Variants in HECW1 observed in about 807,000 individuals in gnomAD.
The protein encoded by HECW1 is E3 ubiquitin-protein ligase HECW1.
In HECW1, 61 loss-of-function variants were observed where a neutral mutation model predicts 182.3. That is an observed-to-expected ratio of 0.33 (90% CI 0.27 to 0.41). The LOEUF (loss-of-function observed/expected upper bound fraction) is 0.41, where lower values mean the gene tolerates loss of function less well. HECW1 is among the 10% of genes least tolerant of loss of function. The pLI, the probability that HECW1 is intolerant of heterozygous loss-of-function variation, is 1.00. For synonymous variants in HECW1, 859 were observed against 832.6 expected (o/e 1.03, Z -0.55); for missense variants, 1,739 against 2,108.9 (o/e 0.82, Z 3.44).
At chr7:43,211,862 G>A (rs1432088366) in intron 2 of HECW1, among the ~76,000 whole-genome samples, 1 of 152,170 alleles carries the variant, frequency 6.6e-6, no homozygotes, top group African/African-American at 2.4e-5. Context: ...TGTTAGAAGG[G>A]GATGCTTTGT....
At chr7:43,342,080 T>C (rs1243705815) in intron 5 of HECW1, among the ~76,000 whole-genome samples, 1 of 151,876 alleles carries the variant, frequency 6.6e-6, no homozygotes, top group Non-Finnish European at 1.5e-5. Context: ...GTATAAAAGA[T>C]GACTGTTTCA....
At chr7:43,423,535 T>C (rs571216637) in intron 8 of HECW1, among the ~76,000 whole-genome samples, 11 of 152,328 alleles carry the variant, frequency 7.2e-5, no homozygotes, top group African/African-American at 2.4e-4. Context: ...GTTAGCATCA[T>C]TTTTCAACTT....
At chr7:43,481,407 G>A (rs2078430476) in intron 17 of HECW1, among the ~76,000 whole-genome samples, 1 of 152,170 alleles carries the variant, frequency 6.6e-6, no homozygotes, top group Admixed American at 6.5e-5. Flanking sequence ...GCTGAGTACT[G>A]CAGACAGATT....
chr7:43,306,420 A>C (rs1478385328), intron 3 of HECW1, among the ~76,000 whole-genome samples: 8 of 152,050 alleles, frequency 5.3e-5, no homozygotes. Flanking sequence ...TGGTGGCGTA[A>C]CAAAGCCGAG....
At position 43,407,737 on chromosome 7, in the gene HECW1, T is replaced by G. The variant is rs1374720082; in HGVS notation, c.801+6T>G. The G allele has an allele frequency of 6.3e-7, 1 of 1,596,468 alleles. No homozygotes were observed. Among genetic ancestry groups the G allele is most frequent in the African/African-American group, 1.4e-5 (1 of 73,836 alleles). Reference sequence around the variant, plus strand: ...ACCCCATCTGGCAGGCCGAGGTGAGTGCTGTGGGCCCTGAAAAAAAGCCCA... The same window carrying G: ...ACCCCATCTGGCAGGCCGAGGTGAGGGCTGTGGGCCCTGAAAAAAAGCCCA... On this transcript the variant is annotated splice_donor_region_variant and intron_variant, in intron 8 of 29. Transcript: ENST00000395891.
At chr7:43,411,920 A>G (rs987881635) in intron 8 of HECW1, among the ~76,000 whole-genome samples, 3 of 152,198 alleles carry the variant, frequency 2.0e-5, no homozygotes, top group African/African-American at 7.2e-5. Flanking sequence ...TTTAATAGGA[A>G]TGAATGGCCC....
intron 2 of HECW1, among the ~76,000 whole-genome samples, chr7:43,204,027 A>C (rs1414090864): frequency 1.3e-5 from 2 of 152,216 alleles, no homozygotes; most frequent in Admixed American, 6.5e-5. Context: ...TAACAAATGA[A>C]TTGTTGCTTA....
intron 6 of HECW1, chr7:43,377,864 C>G (rs1347139159): frequency 2.0e-5 from 4 of 195,960 alleles, no homozygotes; most frequent in Non-Finnish European, 4.2e-5. Context: ...AATTTCCCTG[C>G]CTGCATTCTT....
intron 2 of HECW1, among the ~76,000 whole-genome samples, chr7:43,242,135 G>A (rs1798950509): frequency 6.6e-6 from 1 of 152,190 alleles, no homozygotes; most frequent in South Asian, 2.1e-4. Context: ...TCTCAAACTG[G>A]TATTTAGAGC....
chr7:43,477,073 A>G (rs564776424), intron 16 of HECW1, among the ~76,000 whole-genome samples: 57 of 152,172 alleles, frequency 3.7e-4, no homozygotes, highest in Non-Finnish European at 7.8e-4. Flanking sequence ...GGAATGACTA[A>G]TTAGCCCATG....
At chr7:43,249,697 T>C (rs1196903398) in intron 3 of HECW1, among the ~76,000 whole-genome samples, 1 of 152,210 alleles carries the variant, frequency 6.6e-6, no homozygotes, top group Non-Finnish European at 1.5e-5. Flanking sequence ...CTGACTGTTT[T>C]GAGCTTTGTT....
At chr7:43,549,330 C>T (rs982332906) in intron 26 of HECW1, among the ~76,000 whole-genome samples, 3 of 152,186 alleles carry the variant, frequency 2.0e-5, no homozygotes, top group Non-Finnish European at 4.4e-5. Context: ...CACTAATCAC[C>T]TAAGTGATAA....
intron 2 of HECW1, among the ~76,000 whole-genome samples, chr7:43,191,352 G>A (rs1006096436): frequency 1.3e-5 from 2 of 152,216 alleles, no homozygotes; most frequent in African/African-American, 4.8e-5. Context: ...GCCTATAGCT[G>A]TAGCTTGCCA....
intron 2 of HECW1, among the ~76,000 whole-genome samples, chr7:43,231,536 T>A (rs1398463250): frequency 6.6e-6 from 1 of 152,176 alleles, no homozygotes; most frequent in Non-Finnish European, 1.5e-5. Flanking sequence ...GATAGTAGAT[T>A]CAAGGTGACT....
chr7:43,503,068 T>C (rs932812186), intron 21 of HECW1, among the ~76,000 whole-genome samples: 3 of 152,166 alleles, frequency 2.0e-5, no homozygotes, highest in Non-Finnish European at 4.4e-5. Context: ...TTAGAGGTAG[T>C]TGTGCTCGTC....
At chr7:43,524,393 A>G (rs2080673359) in intron 24 of HECW1, among the ~76,000 whole-genome samples, 1 of 152,226 alleles carries the variant, frequency 6.6e-6, no homozygotes, top group African/African-American at 2.4e-5. Context: ...AAAGCATGGA[A>G]ACATACATTG....
chr7:43,226,785 C>T (rs552505777), intron 2 of HECW1, among the ~76,000 whole-genome samples: 3 of 152,290 alleles, frequency 2.0e-5, no homozygotes, highest in East Asian at 1.9e-4. Flanking sequence ...TGCTGCCCTC[C>T]GAAGAGCCTG....
intron 3 of HECW1, among the ~76,000 whole-genome samples, chr7:43,285,162 T>C (rs901592076): frequency 6.6e-6 from 1 of 152,140 alleles, no homozygotes; most frequent in Non-Finnish European, 1.5e-5. Flanking sequence ...CACAGTAAAA[T>C]GCAGCTCAAG....
At chr7:43,438,985 C>T (rs1038227209) in intron 9 of HECW1, 1 of 152,140 alleles carries the variant, frequency 6.6e-6, no homozygotes, top group Non-Finnish European at 1.5e-5. Flanking sequence ...ATCATAAAGA[C>T]ATTTATTATT....
Sources: allele counts gnomAD v4.1 joint callset (sites outside exome capture counted in the v4.1 genomes callset), GRCh38; gene constraint gnomAD v4.1.1; transcripts MANE v1.5; gene names NCBI Gene and HGNC (gene_info 2026-07-23, HGNC 2026-07-21).